The following EBF1 variants were observed in gnomAD, a reference collection of about 807,000 sequenced individuals.
EBF1 encodes EBF transcription factor 1.
EBF1 carries 10 observed loss-of-function variants against 68.4 expected under a neutral mutation model. That is an observed-to-expected ratio of 0.15 (90% CI 0.09 to 0.25). The LOEUF is 0.25. Ranked by LOEUF, EBF1 falls within the 10% of genes least tolerant of loss-of-function variation. The pLI, the probability that EBF1 is intolerant of heterozygous loss-of-function variation, is 1.00. For synonymous variants in EBF1, 298 were observed against 299.8 expected (o/e 0.99, Z 0.06); for missense variants, 509 against 794.4 (o/e 0.64, Z 4.32).
chr5:158,859,054 T>C (rs1794548513), intron 6 of EBF1, among the ~76,000 whole-genome samples: 1 of 152,192 alleles, frequency 6.6e-6, no homozygotes, highest in African/African-American at 2.4e-5. Flanking sequence ...ACAACATGTT[T>C]ATCTACCAAA....
At chr5:159,014,754 G>T (rs1385959487) in intron 6 of EBF1, among the ~76,000 whole-genome samples, 1 of 152,184 alleles carries the variant, frequency 6.6e-6, no homozygotes, top group African/African-American at 2.4e-5. Flanking sequence ...ATGAAAGCAG[G>T]GTGCTATCTG....
intron 6 of EBF1, among the ~76,000 whole-genome samples, chr5:158,958,348 A>C (rs1256036574): frequency 6.6e-6 from 1 of 152,132 alleles, no homozygotes; most frequent in Non-Finnish European, 1.5e-5. Context: ...ACTCCTGTTA[A>C]TCCATGCAAA....
intron 8 of EBF1, among the ~76,000 whole-genome samples, chr5:158,802,009 G>A (rs1780685438): frequency 6.6e-6 from 1 of 152,086 alleles, no homozygotes; most frequent in Non-Finnish European, 1.5e-5. Flanking sequence ...GAAAGCAAGG[G>A]CCAGGAGAGC....
chr5:159,043,971 G>C (rs1181682893), intron 6 of EBF1, among the ~76,000 whole-genome samples: 1 of 152,188 alleles, frequency 6.6e-6, no homozygotes, highest in African/African-American at 2.4e-5. Flanking sequence ...TTCACAGCAA[G>C]TCACCAAGGT....
At position 158,927,112 on chromosome 5, in the gene EBF1, G is replaced by A. The variant is rs139003108; in HGVS notation, c.555-87002C>T. Among the ~76,000 whole-genome samples the A allele has an allele frequency of 1.8e-3, 280 of 152,302 alleles. 1 individual carries two copies. The highest frequency in any genetic ancestry group is 6.6e-3 in the African/African-American group (274 of 41,546). On this transcript the variant is annotated intron_variant, in intron 6 of 15. Transcript: ENST00000313708. Reference sequence around the variant, plus strand: ...AAGATGCATAAAAAGATTTGCAGCGGTATTACTGTGGACAAATTACTTCTT... The same window carrying A: ...AAGATGCATAAAAAGATTTGCAGCGATATTACTGTGGACAAATTACTTCTT...
intron 10 of EBF1, among the ~76,000 whole-genome samples, chr5:158,770,220 C>T (rs1435872080): frequency 1.3e-5 from 2 of 151,970 alleles, no homozygotes; most frequent in African/African-American, 2.4e-5. Flanking sequence ...CCCTCTGTCT[C>T]CCTCATCCCC....
In EBF1 at chr5:158,838,311, T is replaced by C. The variant is rs1048395806; in HGVS notation, c.636+1718A>G. ...ATACAAAAAAATTAGCCGGGCATGGTGGTGGGTGCCTGTAGTCCCAGCTAC... is the reference window on the plus strand; with the variant it reads ...ATACAAAAAAATTAGCCGGGCATGGCGGTGGGTGCCTGTAGTCCCAGCTAC... On this transcript the variant is annotated intron_variant, in intron 7 of 15. Transcript: ENST00000313708. Among the ~76,000 whole-genome samples the C allele has an allele frequency of 2.6e-5, 4 of 151,496 alleles. No homozygotes were observed. In the East Asian group the frequency reaches 7.8e-4, roughly 29 times the overall value.
rs376566569 is a variant in EBF1, at chr5:159,044,799, A to T, written c.554+28597T>A. On this transcript the variant is annotated intron_variant, in intron 6 of 15. Transcript: ENST00000313708. Reference sequence around the variant, plus strand: ...GTAGTTATTATGACAATATTTCCTTATCTCATCTATTTCATATCCCCTTTC... The same window carrying T: ...GTAGTTATTATGACAATATTTCCTTTTCTCATCTATTTCATATCCCCTTTC... 1.2e-4 allele frequency among the ~76,000 whole-genome samples: 18 copies of T among 152,254 alleles called. No homozygotes were observed. The South Asian group carries it at 2.9e-3, about 25-fold the overall frequency.
At chr5:158,942,213 A>G (rs1813576335) in intron 6 of EBF1, among the ~76,000 whole-genome samples, 1 of 152,176 alleles carries the variant, frequency 6.6e-6, no homozygotes, top group Non-Finnish European at 1.5e-5. Context: ...GTCCTAAGAT[A>G]TCATCACATT....
intron 6 of EBF1, among the ~76,000 whole-genome samples, chr5:159,071,355 A>G (rs999214106): frequency 5.3e-5 from 8 of 152,218 alleles, no homozygotes; most frequent in Non-Finnish European, 1.0e-4. Flanking sequence ...CTACTTTGTC[A>G]AACCAAAAGG....
chr5:158,796,349 C>G lies in EBF1; in HGVS notation c.905G>C (p.Ser302Thr), dbSNP rs774135740. 5 of 1,612,036 alleles carry G rather than the reference C, an allele frequency of 3.1e-6. No homozygotes were observed. The Admixed American group carries it at 8.3e-5, about 27-fold the overall frequency. Residue 302 changes from serine to threonine, a missense_variant, in exon 9 of 16, where the codon AGT becomes ACT. By Grantham distance (58) the Ser-to-Thr change is moderately conservative. Coordinates refer to ENST00000313708, the MANE Select transcript of EBF1 (RefSeq NM_024007.5). Reference protein sequence around the residue: ...QVIFGTMLVWSELITPHAIRV... With the variant: ...QVIFGTMLVWTELITPHAIRV... ...TAATGTTCAGACAACACCTACCTCACTCCAGACCAGCATGGTACCGAATAT... is the reference window on the plus strand; with the variant it reads ...TAATGTTCAGACAACACCTACCTCAGTCCAGACCAGCATGGTACCGAATAT...
chr5:158,759,446 T>C (rs888122474), intron 10 of EBF1, among the ~76,000 whole-genome samples: 46 of 152,154 alleles, frequency 3.0e-4, no homozygotes, highest in Non-Finnish European at 1.9e-4. Flanking sequence ...ACTGAGAACA[T>C]AGTCAGCTGG....
At chr5:158,739,424 G>T (rs2127566200) in intron 10 of EBF1, among the ~76,000 whole-genome samples, 1 of 152,278 alleles carries the variant, frequency 6.6e-6, no homozygotes, top group African/African-American at 2.4e-5. Context: ...CCTTAATTTA[G>T]ATTCCCAAAT....
intron 7 of EBF1, among the ~76,000 whole-genome samples, chr5:158,825,383 G>A (rs527278210): frequency 1.3e-4 from 20 of 152,156 alleles, no homozygotes; most frequent in South Asian, 4.1e-4. Flanking sequence ...ACAATTGAGC[G>A]GTCACTGGAG....
At chr5:158,765,390 G>A (rs780439923) in intron 10 of EBF1, among the ~76,000 whole-genome samples, 5 of 152,120 alleles carry the variant, frequency 3.3e-5, no homozygotes, top group Non-Finnish European at 4.4e-5. Flanking sequence ...AATGATGAAC[G>A]TGTGTAGAAT....
At position 158,823,301 on chromosome 5, in the gene EBF1, G is replaced by A. The variant is rs1448249906; in HGVS notation, c.653C>T (p.Thr218Ile). 6.2e-6 allele frequency: 10 copies of A among 1,612,566 alleles called. No homozygotes were observed. Among genetic ancestry groups the A allele is most frequent in the Non-Finnish European group, 8.5e-6 (10 of 1,179,302 alleles). Reference sequence around the variant, plus strand: ...CAGGACATGGCCATCCACATTGACTGTCGTAGACACCACGACCTGGAGACA... The same window carrying A: ...CAGGACATGGCCATCCACATTGACTATCGTAGACACCACGACCTGGAGACA... ...MRRFQVVVST[T>I]VNVDGHVLAV... The change falls in exon 8 of 16, where the codon ACA becomes ATA. Residue 218 changes from threonine to isoleucine, a missense_variant. Thr to Ile is a moderately conservative substitution (Grantham distance 89). Coordinates refer to ENST00000313708, the MANE Select transcript of EBF1 (RefSeq NM_024007.5).
At chr5:158,895,576 A>G (rs1334585801) in intron 6 of EBF1, among the ~76,000 whole-genome samples, 2 of 152,184 alleles carry the variant, frequency 1.3e-5, no homozygotes, top group African/African-American at 2.4e-5. Flanking sequence ...AAGGAAAGTC[A>G]TCTGCCCTGC....
intron 6 of EBF1, among the ~76,000 whole-genome samples, chr5:158,898,768 A>G (rs901231044): frequency 3.3e-5 from 5 of 152,222 alleles, no homozygotes; most frequent in African/African-American, 1.2e-4. Flanking sequence ...TGCAACTCTA[A>G]TAGGCAGAAG....
rs762443146 is a variant in EBF1, at chr5:158,907,529, G to A, written c.555-67419C>T. Among the ~76,000 whole-genome samples the A allele has an allele frequency of 1.3e-5, 2 of 152,020 alleles. 1 individual carries two copies. The highest frequency in any genetic ancestry group is 4.8e-5 in the African/African-American group (2 of 41,390). ...ACTGAGATGCCCCATATAAAACCAC[G>A]TTAAGCTGGAAAAGCAAAACTTTCA... is the stretch of plus-strand genomic sequence containing the variant. On this transcript the variant is annotated intron_variant, in intron 6 of 15. Coordinates refer to ENST00000313708, the MANE Select transcript of EBF1 (RefSeq NM_024007.5).
Sources: allele counts gnomAD v4.1 joint callset (sites outside exome capture counted in the v4.1 genomes callset), GRCh38; gene constraint gnomAD v4.1.1; transcripts MANE v1.5; gene names NCBI Gene and HGNC (gene_info 2026-07-23, HGNC 2026-07-21).